The following ZDHHC14 variants were observed in gnomAD, a reference collection of about 807,000 sequenced individuals.
ZDHHC14 encodes zDHHC palmitoyltransferase 14.
A neutral mutation model predicts 47.7 loss-of-function variants in ZDHHC14; 16 were observed. The observed-to-expected ratio is 0.34, with a 90% CI of 0.23 to 0.51. The LOEUF (loss-of-function observed/expected upper bound fraction) is 0.51, where lower values mean the gene tolerates loss of function less well. ZDHHC14 is among the 20% of genes least tolerant of loss of function. The probability of loss-of-function intolerance (pLI) is 0.97; values close to 1 mark genes in which losing one functional copy is unlikely to be tolerated. For missense variants in ZDHHC14, 515 were observed against 662.5 expected (o/e 0.78, Z 2.44); for synonymous variants, 293 against 278.9 (o/e 1.05, Z -0.50).
At chr6:157,459,046 G>T (rs975470083) in intron 1 of ZDHHC14, among the ~76,000 whole-genome samples, 9 of 151,536 alleles carry the variant, frequency 5.9e-5, no homozygotes, top group Non-Finnish European at 1.2e-4. Context: ...GTAGAGACAG[G>T]GTTTCTCCAT....
At chr6:157,574,380 G>C (rs1278332680) in intron 2 of ZDHHC14, among the ~76,000 whole-genome samples, 2 of 152,092 alleles carry the variant, frequency 1.3e-5, no homozygotes, top group African/African-American at 2.4e-5. Flanking sequence ...CCGAGATCGC[G>C]CCACTGCACC....
chr6:157,385,721 A>C (rs976379112), intron 1 of ZDHHC14, among the ~76,000 whole-genome samples: 5 of 152,250 alleles, frequency 3.3e-5, no homozygotes, highest in African/African-American at 1.2e-4. Context: ...TTAGTCACCT[A>C]GGGTTGCACA....
intron 1 of ZDHHC14, among the ~76,000 whole-genome samples, chr6:157,454,546 A>G (rs1252562354): frequency 7.0e-6 from 1 of 143,356 alleles, no homozygotes; most frequent in African/African-American, 2.7e-5. Flanking sequence ...TTCCCAGGCT[A>G]GAGTTCAGTG....
chr6:157,561,804 G>A (rs770414924), intron 2 of ZDHHC14, among the ~76,000 whole-genome samples: 4 of 152,124 alleles, frequency 2.6e-5, no homozygotes, highest in Non-Finnish European at 4.4e-5. Flanking sequence ...GATTATAGGT[G>A]TGCACCACCA....
intron 1 of ZDHHC14, among the ~76,000 whole-genome samples, chr6:157,387,212 A>G (rs1376979076): frequency 2.6e-5 from 4 of 151,422 alleles, no homozygotes; most frequent in Non-Finnish European, 4.4e-5. Flanking sequence ...TCTTCTTTTT[A>G]CATTTAGCTA....
chr6:157,496,134 G>A (rs952653277), intron 1 of ZDHHC14, among the ~76,000 whole-genome samples: 1 of 152,170 alleles, frequency 6.6e-6, no homozygotes, highest in African/African-American at 2.4e-5. Context: ...TCTTCCTCTT[G>A]CCATATCCTT....
intron 1 of ZDHHC14, among the ~76,000 whole-genome samples, chr6:157,470,070 T>C (rs892350447): frequency 1.3e-5 from 2 of 152,154 alleles, no homozygotes; most frequent in African/African-American, 4.8e-5. Flanking sequence ...CACAGCAGTG[T>C]CCAGTAAATG....
At chr6:157,452,313 C>T (rs1052864751) in intron 1 of ZDHHC14, among the ~76,000 whole-genome samples, 2 of 151,954 alleles carry the variant, frequency 1.3e-5, no homozygotes, top group Admixed American at 1.3e-4. Context: ...ACTTAAATCA[C>T]CTGCTGCATG....
rs1342174836 is a variant in ZDHHC14, at chr6:157,678,009, T to G, written c.*4887T>G. On this transcript the variant is annotated 3_prime_UTR_variant, in exon 9 of 9. Transcript: ENST00000359775. ...AAATCCAAACAATGGTGAACACATGTACATAACATTTCATGTTTTCAGAGA... is the reference window on the plus strand; with the variant it reads ...AAATCCAAACAATGGTGAACACATGGACATAACATTTCATGTTTTCAGAGA... 1 of 152,144 alleles carries G rather than the reference T, an allele frequency of 6.6e-6. No homozygotes were observed. The highest frequency in any genetic ancestry group is 6.5e-5 in the Admixed American group (1 of 15,270). The allele number at this position is 152,144 out of a possible 1,614,324, so 9.4% of individuals were successfully genotyped here.
intron 2 of ZDHHC14, among the ~76,000 whole-genome samples, chr6:157,557,745 A>G (rs1416954193): frequency 2.6e-5 from 4 of 152,168 alleles, no homozygotes; most frequent in Non-Finnish European, 4.4e-5. Context: ...TGAGCAATAG[A>G]TGGCTCTCAG....
intron 3 of ZDHHC14, among the ~76,000 whole-genome samples, chr6:157,625,432 C>A (rs1785366107): frequency 6.6e-6 from 1 of 152,042 alleles, no homozygotes; most frequent in Non-Finnish European, 1.5e-5. Flanking sequence ...AGGTGAGAGG[C>A]CGCCGTTTTG....
chr6:157,479,425 A>G (rs954522412), intron 1 of ZDHHC14, among the ~76,000 whole-genome samples: 6 of 152,182 alleles, frequency 3.9e-5, no homozygotes, highest in Non-Finnish European at 8.8e-5. Context: ...TCGGTTTCCA[A>G]CAGGGGGAGT....
At chr6:157,596,159 G>C (rs1329910054) in intron 3 of ZDHHC14, among the ~76,000 whole-genome samples, 2 of 152,228 alleles carry the variant, frequency 1.3e-5, no homozygotes, top group African/African-American at 4.8e-5. Flanking sequence ...GGGGCCTTTG[G>C]TTGACTGATG....
chr6:157,491,787 C>T (rs1208126666), intron 1 of ZDHHC14, among the ~76,000 whole-genome samples: 1 of 152,196 alleles, frequency 6.6e-6, no homozygotes, highest in African/African-American at 2.4e-5. Context: ...GGCTCATAAA[C>T]TGGCAGGTAA....
At chr6:157,566,543 C>T (rs1008272676) in intron 2 of ZDHHC14, among the ~76,000 whole-genome samples, 3 of 152,218 alleles carry the variant, frequency 2.0e-5, no homozygotes, top group African/African-American at 4.8e-5. Flanking sequence ...AAGCGCTGGA[C>T]AAAATCTCCA....
At chr6:157,480,628 C>T (rs1214021478) in intron 1 of ZDHHC14, among the ~76,000 whole-genome samples, 3 of 152,178 alleles carry the variant, frequency 2.0e-5, no homozygotes, top group African/African-American at 7.2e-5. Flanking sequence ...ATGGCCTGCA[C>T]CCAGTAGACG....
At chr6:157,610,554 C>G (rs1784714378) in intron 3 of ZDHHC14, among the ~76,000 whole-genome samples, 1 of 152,220 alleles carries the variant, frequency 6.6e-6, no homozygotes, top group Non-Finnish European at 1.5e-5. Context: ...CTGTCGGTCA[C>G]TCCTGAGAGT....
intron 7 of ZDHHC14, among the ~76,000 whole-genome samples, chr6:157,651,725 C>A (rs186876064): frequency 2.0e-5 from 3 of 152,156 alleles, no homozygotes; most frequent in Non-Finnish European, 2.9e-5. Flanking sequence ...TGTGCCATCA[C>A]GCCTGGCTAA....
intron 8 of ZDHHC14, among the ~76,000 whole-genome samples, chr6:157,672,044 T>G (rs534722435): frequency 3.1e-4 from 47 of 152,244 alleles, no homozygotes; most frequent in African/African-American, 1.1e-3. Context: ...CTTCCTTCTC[T>G]CTAAGAACAT....
Sources: allele counts gnomAD v4.1 joint callset (sites outside exome capture counted in the v4.1 genomes callset), GRCh38; gene constraint gnomAD v4.1.1; transcripts MANE v1.5; gene names NCBI Gene and HGNC (gene_info 2026-07-23, HGNC 2026-07-21).